CNTNAP2: variants seen among roughly 807,000 people sequenced by gnomAD.
CNTNAP2 encodes contactin associated protein 2, also known as contactin-associated protein-like 2.
CNTNAP2 carries 98 observed loss-of-function variants against 155.2 expected under a neutral mutation model. That is an observed-to-expected ratio of 0.63 (90% CI 0.54 to 0.75). The LOEUF is 0.75. CNTNAP2 is among the 30% of genes least tolerant of loss of function. CNTNAP2 has a pLI of 0.00. For synonymous variants in CNTNAP2, 651 were observed against 631.2 expected (o/e 1.03, Z -0.47); for missense variants, 1,727 against 1,688.1 (o/e 1.02, Z -0.40).
chr7:147,187,118 C>A (rs1279299639), intron 8 of CNTNAP2, among the ~76,000 whole-genome samples: 1 of 152,068 alleles, frequency 6.6e-6, no homozygotes, highest in Admixed American at 6.5e-5. Flanking sequence ...GGAGAATGGG[C>A]TGGGGAGAAA....
chr7:146,157,167 T>C (rs1798139830), intron 1 of CNTNAP2, among the ~76,000 whole-genome samples: 1 of 151,768 alleles, frequency 6.6e-6, no homozygotes, highest in South Asian at 2.1e-4. Flanking sequence ...GTGGCAGAAA[T>C]GGAATTTCCA....
chr7:147,720,673 A>G (rs12112619), intron 13 of CNTNAP2, among the ~76,000 whole-genome samples: 91,710 of 151,852 alleles, frequency 0.6, 29,235 homozygotes, highest in East Asian at 0.84. Context: ...ATGGTTTTAT[A>G]AGGGGCCCTC....
At chr7:146,351,322 G>A (rs1001658272) in intron 1 of CNTNAP2, among the ~76,000 whole-genome samples, 3 of 151,904 alleles carry the variant, frequency 2.0e-5, no homozygotes, top group Non-Finnish European at 4.4e-5. Flanking sequence ...AAAACATAAT[G>A]TGTATTTTAA....
chr7:147,897,927 C>T (rs993552618), intron 13 of CNTNAP2, among the ~76,000 whole-genome samples: 6 of 152,200 alleles, frequency 3.9e-5, no homozygotes, highest in Admixed American at 6.5e-5. Context: ...ACACAGCCCC[C>T]GCATGCTGGG....
intron 11 of CNTNAP2, among the ~76,000 whole-genome samples, chr7:147,556,633 C>T (rs1459424046): frequency 1.3e-5 from 2 of 152,112 alleles, no homozygotes; most frequent in East Asian, 1.9e-4. Context: ...ATGATGAGCC[C>T]AGGAATGTGT....
chr7:148,150,377 T>A (rs1188406477), intron 17 of CNTNAP2, among the ~76,000 whole-genome samples: 2 of 151,960 alleles, frequency 1.3e-5, no homozygotes, highest in Non-Finnish European at 2.9e-5. Context: ...TGAAACCCCA[T>A]CTCTACTAAA....
chr7:148,138,027 G>A (rs182351962), intron 16 of CNTNAP2, among the ~76,000 whole-genome samples: 2 of 152,268 alleles, frequency 1.3e-5, no homozygotes, highest in Non-Finnish European at 2.9e-5. Context: ...ACAATTTGTG[G>A]CAAAACAGAG....
At chr7:147,699,511 G>A (rs139708480) in intron 13 of CNTNAP2, among the ~76,000 whole-genome samples, 8,749 of 152,036 alleles carry the variant, frequency 0.058, 344 homozygotes, top group Middle Eastern at 0.11. Flanking sequence ...ATGACGGGTT[G>A]ATGGGTGCAG....
intron 1 of CNTNAP2, among the ~76,000 whole-genome samples, chr7:146,748,347 G>A (rs958085935): frequency 3.3e-5 from 5 of 151,878 alleles, no homozygotes; most frequent in African/African-American, 1.2e-4. Context: ...GGGTTTCACC[G>A]TGTTAGCCAG....
chr7:146,997,926 T>G (rs1287396405), intron 3 of CNTNAP2, among the ~76,000 whole-genome samples: 1 of 152,090 alleles, frequency 6.6e-6, no homozygotes, highest in Non-Finnish European at 1.5e-5. Context: ...ATGTGTTGAG[T>G]ATTCTCTTTT....
intron 13 of CNTNAP2, among the ~76,000 whole-genome samples, chr7:147,899,554 G>A (rs1799828926): frequency 2.0e-5 from 3 of 152,130 alleles, no homozygotes; most frequent in Admixed American, 2.0e-4. Flanking sequence ...TTAACATTAA[G>A]TGCATTCTCA....
At chr7:147,952,458 T>C (rs1426236347) in intron 14 of CNTNAP2, among the ~76,000 whole-genome samples, 1 of 151,508 alleles carries the variant, frequency 6.6e-6, no homozygotes, top group East Asian at 1.9e-4. Flanking sequence ...ATAATAACAA[T>C]AATAAAATAA....
At chr7:146,962,109 T>C (rs1262844722) in intron 3 of CNTNAP2, among the ~76,000 whole-genome samples, 1 of 151,514 alleles carries the variant, frequency 6.6e-6, no homozygotes, top group East Asian at 1.9e-4. Context: ...TCAGTATAAT[T>C]TGTTTTCTAA....
intron 16 of CNTNAP2, among the ~76,000 whole-genome samples, chr7:148,142,256 G>A (rs1475005843): frequency 6.6e-6 from 1 of 151,886 alleles, no homozygotes; most frequent in Non-Finnish European, 1.5e-5. Context: ...GAACATAGAT[G>A]AACTCTTTAC....
chr7:147,292,459 A>AT (rs935832262), intron 8 of CNTNAP2, among the ~76,000 whole-genome samples: 19 of 151,974 alleles, frequency 1.3e-4, no homozygotes, highest in South Asian at 8.3e-4. Context: ...ATATTTAAGG[A>AT]TTTTTTTTGC....
At chr7:146,964,860 CA>C (rs201206585) in intron 3 of CNTNAP2, among the ~76,000 whole-genome samples, 3 of 143,174 alleles carry the variant, frequency 2.1e-5, no homozygotes, top group Middle Eastern at 3.6e-3. Context: ...CTGACTGTTC[CA>C]AAAAAAAATG....
Position 147,530,986 on chromosome 7 carries a change from C to T in CNTNAP2, c.1778-31152C>T, listed in dbSNP as rs1297176494. Among the ~76,000 whole-genome samples, 10 of 152,244 alleles carry T rather than the reference C, an allele frequency of 6.6e-5. No homozygotes were observed. In the East Asian group the frequency reaches 1.9e-3, roughly 29 times the overall value. On this transcript the variant is annotated intron_variant, in intron 11 of 23. Coordinates refer to ENST00000361727, the MANE Select transcript of CNTNAP2 (RefSeq NM_014141.6). ...GGCCGAAACAAAGGAGCTACAGGGA[C>T]CATGCAAGTCTGAAATCCAGTGGGG...
At chr7:146,159,019 C>G (rs1424334079) in intron 1 of CNTNAP2, among the ~76,000 whole-genome samples, 3 of 152,164 alleles carry the variant, frequency 2.0e-5, no homozygotes, top group East Asian at 3.9e-4. Context: ...CAAAGGGAAG[C>G]CCATGAGACT....
chr7:146,429,886 A>C (rs1796148000), intron 1 of CNTNAP2, among the ~76,000 whole-genome samples: 2 of 152,092 alleles, frequency 1.3e-5, no homozygotes, highest in Admixed American at 6.6e-5. Flanking sequence ...ATTATTGTGA[A>C]GTATGTTCCT....
Sources: allele counts gnomAD v4.1 joint callset (sites outside exome capture counted in the v4.1 genomes callset), GRCh38; gene constraint gnomAD v4.1.1; transcripts MANE v1.5; gene names NCBI Gene and HGNC (gene_info 2026-07-23, HGNC 2026-07-21).